PTCD3: variants seen among roughly 807,000 people sequenced by gnomAD.
PTCD3 encodes the protein pentatricopeptide repeat domain 3.
Under a neutral mutation model 101.9 loss-of-function variants are expected in PTCD3, and 89 were observed. That is an observed-to-expected ratio of 0.87 (90% CI 0.74 to 1.04). The LOEUF is 1.04. Ranked by LOEUF, PTCD3 falls within the 50% of genes least tolerant of loss-of-function variation. PTCD3 has a pLI of 0.00. For synonymous variants in PTCD3, 296 were observed against 278.5 expected (o/e 1.06, Z -0.63); for missense variants, 870 against 828.2 (o/e 1.05, Z -0.62).
Position 86,141,449 on chromosome 2 carries a change from CTT to C in PTCD3, c.*3893_*3894del, listed in dbSNP as rs1224216684. The C allele has an allele frequency of 1.3e-5, 2 of 152,184 alleles. No individual in the cohort carries two copies. The highest frequency in any genetic ancestry group is 2.9e-5 in the Non-Finnish European group (2 of 68,028). The allele number at this position is 152,184 out of a possible 1,614,324, so 9.4% of individuals were successfully genotyped here. On this transcript the variant is annotated 3_prime_UTR_variant, in exon 24 of 24. Transcript: ENST00000254630. ...GTTCTGCACTGAGCCAAGCAAGTTA[CTT>C]TTAAAACTGGTGGCACCACTCATTT... is the stretch of plus-strand genomic sequence containing the variant.
chr2:86,133,560 T>C (rs1230898311), intron 19 of PTCD3, 124 bp downstream of exon 19: 1 of 965,086 alleles, frequency 1.0e-6, no homozygotes, highest in Non-Finnish European at 1.6e-6. Context: ...AATGTGTTAG[T>C]TGAGATGTAC....
chr2:86,134,300 G>C lies in PTCD3; in HGVS notation c.1552G>C (p.Glu518Gln). Residue 518 changes from glutamate (E) to glutamine (Q), a missense_variant, in exon 20 of 24, where the codon GAA (glutamate) becomes CAA (glutamine). Coordinates refer to ENST00000254630, the MANE Select transcript of PTCD3 (RefSeq NM_017952.6). ...TCCTTTCTTGTTTCAAGATAGTAAA[G>C]AATATGGTCATACTTTCCGCAGTGA... Reference protein sequence around the residue: ...VIPKIWKDSKEYGHTFRSDLR... With the variant: ...VIPKIWKDSKQYGHTFRSDLR... The C allele has an allele frequency of 1.2e-6, 2 of 1,609,002 alleles. No individual in the cohort carries two copies. Among genetic ancestry groups the C allele is most frequent in the Non-Finnish European group, 1.7e-6 (2 of 1,175,468 alleles).
At position 86,121,602 on chromosome 2, in the gene PTCD3, C is replaced by A. The variant is rs1674283468; in HGVS notation, c.654+8C>A. ...GGACAGTCAGAAGCATTGGTAATAA[C>A]TGTTGGCCTTGATTTTTTTTTTTCC... is the stretch of plus-strand genomic sequence containing the variant. On this transcript the variant is annotated splice_region_variant and intron_variant, in intron 8 of 23. Coordinates refer to ENST00000254630, the MANE Select transcript of PTCD3 (RefSeq NM_017952.6). The A allele has an allele frequency of 1.6e-5, 24 of 1,541,890 alleles. No individual in the cohort carries two copies. The highest frequency in any genetic ancestry group is 2.0e-5 in the Non-Finnish European group (23 of 1,139,702).
At chr2:86,127,064 TAAGC>T (rs974036530) in intron 12 of PTCD3, 93 bp from the exon 13 acceptor site, 4 of 1,121,340 alleles carry the variant, frequency 3.6e-6, no homozygotes, top group South Asian at 1.6e-5. Context: ...GCTTTAAACA[TAAGC>T]AAGAAAGCTA....
At position 86,125,017 on chromosome 2, in the gene PTCD3, ATC is replaced by A; in HGVS notation, c.741_742del (p.Leu250AsnfsTer6). 6.2e-7 allele frequency: 1 copy of A among 1,614,118 alleles called. No individual in the cohort carries two copies. The highest frequency in any genetic ancestry group is 1.1e-5 in the South Asian group (1 of 91,080). On this transcript the variant is annotated frameshift_variant, in exon 10 of 24. Coordinates refer to ENST00000254630, the MANE Select transcript of PTCD3 (RefSeq NM_017952.6). LOFTEE classifies it high-confidence loss of function. Reference sequence around the variant, plus strand: ...TAGAGCAAAAAACAACGCTGAGAGAATCTTTTCTCTAATGCCAGAGAAAAATG... The same window carrying A: ...TAGAGCAAAAAACAACGCTGAGAGAATTTTCTCTAATGCCAGAGAAAAATG... ...TWRAKNNAER[I>X]FSLMPEKNEH...
chr2:86,106,235 A>T lies in PTCD3; in HGVS notation c.-13A>T, dbSNP rs780132337. 6.2e-7 allele frequency: 1 copy of T among 1,613,614 alleles called. No homozygotes were observed. Among genetic ancestry groups the T allele is most frequent in the Non-Finnish European group, 8.5e-7 (1 of 1,179,670 alleles). On this transcript the variant is annotated 5_prime_UTR_variant, in exon 1 of 24. Transcript: ENST00000254630. ...GGCACGCTTTCCCAACATGCTCTGCAGAGAAATCAAAGATGGCGGTTGTAT... is the reference window on the plus strand; with the variant it reads ...GGCACGCTTTCCCAACATGCTCTGCTGAGAAATCAAAGATGGCGGTTGTAT...
In PTCD3 at chr2:86,111,490, A is replaced by G. The variant is rs556724411; in HGVS notation, c.240+332A>G. 7.2e-4 allele frequency among the ~76,000 whole-genome samples: 109 copies of G among 151,966 alleles called. 1 individual carries two copies. The highest frequency in any genetic ancestry group is 2.4e-3 in the African/African-American group (99 of 41,484). On this transcript the variant is annotated intron_variant, in intron 4 of 23. Coordinates refer to ENST00000254630, the MANE Select transcript of PTCD3 (RefSeq NM_017952.6). Reference sequence around the variant, plus strand: ...GTAATCCCAGCTACTTGGGAGGCTGAGGCAGGAGAATGGCGTGAACCCAGG... The same window carrying G: ...GTAATCCCAGCTACTTGGGAGGCTGGGGCAGGAGAATGGCGTGAACCCAGG...
chr2:86,127,942 A>C lies in PTCD3; in HGVS notation c.1098A>C (p.Glu366Asp). The C allele has an allele frequency of 6.2e-7, 1 of 1,608,852 alleles. No homozygotes were observed. The highest frequency in any genetic ancestry group is 8.5e-7 in the Non-Finnish European group (1 of 1,175,484). ...VLREMKAIGIEPSLATYHHII... is the reference protein window; with the variant it reads ...VLREMKAIGIDPSLATYHHII... ...TTTCTGTCTACCTGGTAATTTGAGA[A>C]CCCTCGCTTGCAACATATCACCATA... is the stretch of plus-strand genomic sequence containing the variant. Residue 366 changes from glutamate (E) to aspartate (D), a missense_variant and splice_region_variant, in exon 14 of 24, where the codon GAA becomes GAC. Transcript: ENST00000254630.
intron 17 of PTCD3, 199 bp from the exon 18 acceptor site, chr2:86,132,979 C>A: frequency 2.8e-6 from 2 of 701,840 alleles, no homozygotes; most frequent in Non-Finnish European, 4.5e-6. Context: ...TTAGAAATGA[C>A]CAGTTGAGGG....
intron 16 of PTCD3, 142 bp downstream of exon 16, chr2:86,131,248 ATT>A: frequency 1.5e-6 from 1 of 649,064 alleles, no homozygotes; most frequent in Non-Finnish European, 2.4e-6. Flanking sequence ...AAAATCTATA[ATT>A]TTTTTTTTCT....
chr2:86,119,472 T>C, intron 7 of PTCD3: 1 of 170,910 alleles, frequency 5.9e-6, no homozygotes, highest in Non-Finnish European at 1.2e-5. Context: ...TTCTCCCTCC[T>C]CAGCCTCCTG....
At chr2:86,108,714 G>C (rs1226331412) in intron 3 of PTCD3, 178 bp downstream of exon 3, 9 of 526,532 alleles carry the variant, frequency 1.7e-5, no homozygotes, top group Non-Finnish European at 2.4e-5. Flanking sequence ...GTGGAGAATA[G>C]TGAGTGAATG....
Position 86,108,544 on chromosome 2 carries a change from T to C in PTCD3, c.194+8T>C. On this transcript the variant is annotated splice_region_variant and intron_variant, in intron 3 of 23. Coordinates refer to ENST00000254630, the MANE Select transcript of PTCD3 (RefSeq NM_017952.6). The stretch of plus-strand genomic sequence containing the variant: ...TCCAAAAAAGAAAACTTGGTAAGTA[T>C]TCTATCAGTGTTCATTCAGCAAATG... 4 of 1,592,460 alleles carry C rather than the reference T, an allele frequency of 2.5e-6. No individual in the cohort carries two copies. The Admixed American group carries it at 7.2e-5, about 29-fold the overall frequency.
At chr2:86,110,614 A>C (rs1674060254) in intron 3 of PTCD3, among the ~76,000 whole-genome samples, 1 of 152,168 alleles carries the variant, frequency 6.6e-6, no homozygotes, top group Non-Finnish European at 1.5e-5. Context: ...AGAGGTTCTA[A>C]ACCAGGAGGT....
rs1223402681 is a variant in PTCD3 at position 86,133,271 on chromosome 2, T to G, written c.1452+15T>G. On this transcript the variant is annotated intron_variant, in intron 18 of 23. Transcript: ENST00000254630. ...TGATACCTTCAGTAAGATGGTTCAT[T>G]ACTTGTTATTTATCATTCTAGATGA... 1 of 1,613,950 alleles carries G rather than the reference T, an allele frequency of 6.2e-7. No individual in the cohort carries two copies. The highest frequency in any genetic ancestry group is 8.5e-7 in the Non-Finnish European group (1 of 1,179,976).
chr2:86,117,044 T>G lies in PTCD3; in HGVS notation c.310-11T>G, dbSNP rs1002496695. On this transcript the variant is annotated splice_polypyrimidine_tract_variant and intron_variant, in intron 5 of 23. Coordinates refer to ENST00000254630, the MANE Select transcript of PTCD3 (RefSeq NM_017952.6). The stretch of plus-strand genomic sequence containing the variant: ...TAAATTACATGTATTTAAATCTTTT[T>G]CTTTATATAGCGTTCATTTTTACTG... 6.6e-6 allele frequency: 7 copies of G among 1,054,322 alleles called. No homozygotes were observed. The highest frequency in any genetic ancestry group is 8.9e-6 in the Non-Finnish European group (6 of 671,566). The allele number at this position is 1,054,322 out of a possible 1,614,324, so 65.3% of individuals were successfully genotyped here. A position where few individuals can be genotyped will look rare whatever the true frequency, so the allele number is the denominator to read the frequency against.
rs546106692 is a variant in PTCD3, at chr2:86,109,532, A to G, written c.194+996A>G. Among the ~76,000 whole-genome samples the G allele has an allele frequency of 6.6e-5, 10 of 152,364 alleles. No individual in the cohort carries two copies. In the South Asian group the frequency reaches 2.1e-3, roughly 32 times the overall value. On this transcript the variant is annotated intron_variant, in intron 3 of 23. Coordinates refer to ENST00000254630, the MANE Select transcript of PTCD3 (RefSeq NM_017952.6). The stretch of plus-strand genomic sequence containing the variant: ...TGTCAATGCATAGGTAACTGGGATC[A>G]TAAAAGAAGTGCAAATTAAAACTTA...
chr2:86,118,260 T>C (rs767182974), intron 6 of PTCD3, among the ~76,000 whole-genome samples: 1 of 152,242 alleles, frequency 6.6e-6, no homozygotes, highest in Non-Finnish European at 1.5e-5. Flanking sequence ...TTCTGTAGTT[T>C]TGGAGTGAGG....
chr2:86,128,434 T>C (rs78690645), intron 14 of PTCD3, among the ~76,000 whole-genome samples: 1 of 152,278 alleles, frequency 6.6e-6, no homozygotes, highest in East Asian at 1.9e-4. Context: ...GAAATTCCTT[T>C]TGTTCTCTGG....
Sources: gnomAD v4.1 joint callset for allele counts (sites outside exome capture counted in the v4.1 genomes callset) on GRCh38, gnomAD v4.1.1 for gene constraint, MANE v1.5 for transcripts, NCBI Gene and HGNC (gene_info 2026-07-23, HGNC 2026-07-21) for gene names.